PAPSS1: variants seen among roughly 807,000 people sequenced by gnomAD.
The protein encoded by PAPSS1 is 3'-phosphoadenosine 5'-phosphosulfate synthase 1.
A neutral mutation model predicts 72.0 loss-of-function variants in PAPSS1; 50 were observed. The ratio of observed to expected loss-of-function variants is 0.69; its 90% CI spans 0.55 to 0.88. The LOEUF is 0.88. Among genes scored for constraint, PAPSS1 ranks in the 40% least tolerant of loss-of-function variants. The pLI is 0.00. For synonymous variants in PAPSS1, 261 were observed against 263.6 expected (o/e 0.99, Z 0.09); for missense variants, 657 against 782.2 (o/e 0.84, Z 1.91).
chr4:107,689,750 T>A (rs1428149344), intron 3 of PAPSS1, among the ~76,000 whole-genome samples: 1 of 152,114 alleles, frequency 6.6e-6, no homozygotes, highest in Non-Finnish European at 1.5e-5. Context: ...CATACAACTT[T>A]CCTAAACTCT....
intron 1 of PAPSS1, among the ~76,000 whole-genome samples, chr4:107,705,594 T>C (rs1045853154): frequency 6.6e-6 from 1 of 152,268 alleles, no homozygotes; most frequent in Middle Eastern, 3.2e-3. Context: ...TAATACAGAC[T>C]GGCATTAATC....
At chr4:107,696,474 C>A (rs1024071073) in intron 2 of PAPSS1, among the ~76,000 whole-genome samples, 1 of 152,242 alleles carries the variant, frequency 6.6e-6, no homozygotes, top group Non-Finnish European at 1.5e-5. Flanking sequence ...AACACAGGAA[C>A]AGAACACCAA....
intron 5 of PAPSS1, among the ~76,000 whole-genome samples, chr4:107,664,056 A>G (rs1239790927): frequency 6.6e-6 from 1 of 152,184 alleles, no homozygotes; most frequent in East Asian, 1.9e-4. Context: ...ATTTGCAACC[A>G]ACTGTTCCAA....
Position 107,660,065 on chromosome 4 carries a change from A to G in PAPSS1, c.677T>C (p.Val226Ala). 6.7e-7 allele frequency: 1 copy of G among 1,484,380 alleles called. No individual in the cohort carries two copies. Among genetic ancestry groups the G allele is most frequent in the Non-Finnish European group, 9.3e-7 (1 of 1,072,046 alleles). The allele number at this position is 1,484,380 out of a possible 1,614,324, so 92.0% of individuals were successfully genotyped here. Residue 226 changes from valine to alanine, a missense_variant, in exon 6 of 12, where the codon GTA becomes GCA. Val to Ala is a moderately conservative substitution (Grantham distance 64). This residue lies in a region of PAPSS1 where 28 missense variants were observed against 60.8 expected (regional missense o/e 0.46). Transcript: ENST00000265174. ...VVELLQERDI[V>A]PVDASYEVKE... ...TACTTCATAAGATGCATCCACAGGT[A>G]CAATATCCTATATAACAACAGGAGT...
intron 10 of PAPSS1, among the ~76,000 whole-genome samples, chr4:107,638,446 A>G (rs1726446052): frequency 3.3e-5 from 5 of 152,136 alleles, no homozygotes; most frequent in Admixed American, 3.3e-4. Context: ...TAAGAGCTGC[A>G]TTTTTTTCAG....
At chr4:107,716,851 T>C (rs912759139) in intron 1 of PAPSS1, among the ~76,000 whole-genome samples, 8 of 152,354 alleles carry the variant, frequency 5.3e-5, no homozygotes, top group African/African-American at 1.7e-4. Flanking sequence ...TCCCATCTCT[T>C]TGCCTATTGT....
Position 107,658,291 on chromosome 4 carries a change from GAAA to G in PAPSS1, c.784-1287_784-1285del, listed in dbSNP as rs1232647343. On this transcript the variant is annotated intron_variant, in intron 6 of 11. Transcript: ENST00000265174. ...ACCTTCTGTTCTGTGGTCTTGTTAG[GAAA>G]AAAAAAAAAAAAGGGAAGCCACTGC... Among the ~76,000 whole-genome samples, 105 of 98,516 alleles carry G rather than the reference GAAA, an allele frequency of 1.1e-3. 1 individual carries two copies. Among genetic ancestry groups the G allele is most frequent in the Admixed American group, 3.9e-3 (34 of 8,810 alleles). 64.6% of individuals were successfully genotyped at this position (98,516 alleles called of 152,430 possible). A position where few individuals can be genotyped will look rare whatever the true frequency, so the allele number is the denominator to read the frequency against.
intron 11 of PAPSS1, among the ~76,000 whole-genome samples, chr4:107,622,132 C>A (rs1007240499): frequency 6.6e-6 from 1 of 152,166 alleles, no homozygotes; most frequent in Non-Finnish European, 1.5e-5. Context: ...CCCATCAGGG[C>A]TTTAGAGAAA....
chr4:107,677,605 C>T (rs1172811003), intron 5 of PAPSS1, among the ~76,000 whole-genome samples: 2 of 152,126 alleles, frequency 1.3e-5, no homozygotes, highest in South Asian at 2.1e-4. Flanking sequence ...AAACTAGTTC[C>T]ACCATTGTGG....
chr4:107,697,701 A>T (rs1052573714), intron 2 of PAPSS1, among the ~76,000 whole-genome samples: 3 of 152,200 alleles, frequency 2.0e-5, no homozygotes, highest in Non-Finnish European at 2.9e-5. Flanking sequence ...AAGCAATCCA[A>T]ATCTAAGATA....
intron 11 of PAPSS1, among the ~76,000 whole-genome samples, chr4:107,627,848 G>A (rs185610134): frequency 2.2e-4 from 34 of 152,074 alleles, no homozygotes; most frequent in Non-Finnish European, 3.4e-4. Context: ...CAGTGAAATC[G>A]TACTAGGTGT....
rs547523974 is a variant in PAPSS1 at position 107,627,894 on chromosome 4, A to G, written c.1736+3737T>C. Among the ~76,000 whole-genome samples, 3 of 152,296 alleles carry G rather than the reference A, an allele frequency of 2.0e-5. No individual in the cohort carries two copies. The South Asian group carries it at 6.2e-4, about 32-fold the overall frequency. On this transcript the variant is annotated intron_variant, in intron 11 of 11. Coordinates refer to ENST00000265174, the MANE Select transcript of PAPSS1 (RefSeq NM_005443.5). ...TATATATACACATACATACAGATAC[A>G]TATTTCTTTTAAAGGCAAACAAAAT...
At chr4:107,654,945 AACACGCTTTACTTAAC>A (rs1298626277) in intron 7 of PAPSS1, 45 bp from the exon 8 acceptor site, 1 of 1,441,374 alleles carries the variant, frequency 6.9e-7, no homozygotes, top group Non-Finnish European at 9.7e-7. Flanking sequence ...TGAATTACTC[AACACGCTTTACTTAAC>A]ACCCACCTTT....
intron 1 of PAPSS1, among the ~76,000 whole-genome samples, chr4:107,710,210 A>T (rs551422958): frequency 2.0e-5 from 3 of 152,168 alleles, no homozygotes; most frequent in East Asian, 1.9e-4. Context: ...ATTTTTTTTT[A>T]AAGTACATTT....
intron 8 of PAPSS1, among the ~76,000 whole-genome samples, 180 bp downstream of exon 8, chr4:107,654,515 A>G (rs192489933): frequency 1.3e-3 from 200 of 152,316 alleles, no homozygotes; most frequent in African/African-American, 4.6e-3. Context: ...TGTTGAATAA[A>G]TATTTATCTG....
chr4:107,719,184 C>CTTGTTT (rs1220714417), intron 1 of PAPSS1, among the ~76,000 whole-genome samples: 7 of 52,074 alleles, frequency 1.3e-4, no homozygotes, highest in Non-Finnish European at 4.8e-4. Flanking sequence ...CCTGAAATTG[C>CTTGTTT]TTGTTTTTTT....
At chr4:107,616,232 T>G (rs1725820275) in intron 11 of PAPSS1, among the ~76,000 whole-genome samples, 1 of 152,212 alleles carries the variant, frequency 6.6e-6, no homozygotes, top group Non-Finnish European at 1.5e-5. Flanking sequence ...ATTTTATTCA[T>G]GTTTTCTGCA....
At chr4:107,682,200 C>T (rs1722639717) in intron 4 of PAPSS1, 67 bp from the exon 5 acceptor site, 1 of 792,300 alleles carries the variant, frequency 1.3e-6, no homozygotes, top group African/African-American at 1.7e-5. Flanking sequence ...TTTTTCAGTG[C>T]AGATCTCTGC....
At chr4:107,654,629 T>A (rs1439563504) in intron 8 of PAPSS1, 66 bp downstream of exon 8, 3 of 1,265,432 alleles carry the variant, frequency 2.4e-6, no homozygotes, top group Non-Finnish European at 2.3e-6. Flanking sequence ...ACACAGAAAA[T>A]GCCCACATTT....
Sources: allele counts gnomAD v4.1 joint callset (sites outside exome capture counted in the v4.1 genomes callset), GRCh38; gene constraint gnomAD v4.1.1; regional missense constraint gnomAD v4.1.1; transcripts MANE v1.5; gene names NCBI Gene and HGNC (gene_info 2026-07-23, HGNC 2026-07-21).